Variants in GLIS1 observed in about 807,000 individuals in gnomAD.
GLIS1 encodes zinc finger protein GLIS1.
Under a neutral mutation model 63.8 loss-of-function variants are expected in GLIS1, and 24 were observed. The observed-to-expected ratio is 0.38, with a 90% CI of 0.27 to 0.53. The LOEUF (loss-of-function observed/expected upper bound fraction) is 0.53, where lower values mean the gene tolerates loss of function less well. Ranked by LOEUF, GLIS1 falls within the 20% of genes least tolerant of loss-of-function variation. The pLI, the probability that GLIS1 is intolerant of heterozygous loss-of-function variation, is 0.85. For missense variants in GLIS1, 1,036 were observed against 1,074.1 expected (o/e 0.96, Z 0.50); for synonymous variants, 450 against 482.5 (o/e 0.93, Z 0.88).
At chr1:53,689,910 C>T (rs1646383315) in intron 2 of GLIS1, among the ~76,000 whole-genome samples, 2 of 152,172 alleles carry the variant, frequency 1.3e-5, no homozygotes, top group Admixed American at 1.3e-4. Flanking sequence ...CGGTTTATCC[C>T]CACCACTGTG....
rs1449470662 is a variant in GLIS1 at position 53,737,932 on chromosome 1, A to G, written c.133T>C (p.Cys45Arg). The G allele has an allele frequency of 2.4e-6, 3 of 1,230,006 alleles. No individual in the cohort carries two copies. The highest frequency in any genetic ancestry group is 3.0e-6 in the Non-Finnish European group (3 of 986,804). The allele number at this position is 1,230,006 out of a possible 1,614,324, so 76.2% of individuals were successfully genotyped here. A position where few individuals can be genotyped will look rare whatever the true frequency, so the allele number is the denominator to read the frequency against. ...AFRVTVSGGG[C>R]GDRGPRDLLA... Reference sequence around the variant, plus strand: ...AGGTCCCGCGGGCCCCTGTCCCCGCAGCCGCCGCCACTCACGGTGACCCTG... The same window carrying G: ...AGGTCCCGCGGGCCCCTGTCCCCGCGGCCGCCGCCACTCACGGTGACCCTG... Residue 45 changes from cysteine (C) to arginine (R), a missense_variant, in exon 2 of 11, where the codon TGC becomes CGC. Around this residue, in one of 3 missense-constraint regions of GLIS1, gnomAD observed 592 missense variants for 593.9 expected, o/e 1.00. Coordinates refer to ENST00000628545, the MANE Select transcript of GLIS1 (RefSeq NM_001367484.1).
chr1:53,642,155 C>T (rs1042887903), intron 2 of GLIS1, among the ~76,000 whole-genome samples: 1 of 152,262 alleles, frequency 6.6e-6, no homozygotes, highest in Non-Finnish European at 1.5e-5. Flanking sequence ...AACACACTGC[C>T]CTGTTTCTGT....
At chr1:53,688,720 G>C (rs1351836300) in intron 2 of GLIS1, 1 of 152,230 alleles carries the variant, frequency 6.6e-6, no homozygotes, top group Admixed American at 6.5e-5. Context: ...TGCTAAATAA[G>C]TAGTTTTTAA....
chr1:53,542,256 A>T (rs1262256112), intron 4 of GLIS1, among the ~76,000 whole-genome samples: 1 of 152,104 alleles, frequency 6.6e-6, no homozygotes, highest in Non-Finnish European at 1.5e-5. Flanking sequence ...CGCCGGGGGG[A>T]AGGAGATGAC....
chr1:53,565,341 C>A (rs1644928141), intron 4 of GLIS1, among the ~76,000 whole-genome samples: 1 of 151,534 alleles, frequency 6.6e-6, no homozygotes, highest in African/African-American at 2.4e-5. Flanking sequence ...ACAAAAGGGA[C>A]AGCAAAATAA....
intron 4 of GLIS1, among the ~76,000 whole-genome samples, chr1:53,558,097 C>T (rs1194591771): frequency 6.6e-6 from 1 of 152,152 alleles, no homozygotes; most frequent in African/African-American, 2.4e-5. Context: ...TGGGTACTGC[C>T]CCTCAGGCTG....
rs186694090 is a variant in GLIS1 at position 53,631,107 on chromosome 1, C to T, written c.260-30829G>A. On this transcript the variant is annotated intron_variant, in intron 2 of 10. Transcript: ENST00000628545. ...CTTTTATTGCTGTTTATAACTTTTT[C>T]CCCATAAAAATGTTTTAACTTTTCA... is the stretch of plus-strand genomic sequence containing the variant. Among the ~76,000 whole-genome samples the T allele has an allele frequency of 2.4e-3, 366 of 152,212 alleles. 1 individual carries two copies. Among genetic ancestry groups the T allele is most frequent in the African/African-American group, 8.4e-3 (348 of 41,528 alleles).
chr1:53,592,070 T>A lies in GLIS1; in HGVS notation c.1320+2038A>T, dbSNP rs186680771. ...GGGCCATGGGAGGTCCAGGTCTGGG[T>A]CCCCAGAACCAGGCCTCAGCCAGTG... On this transcript the variant is annotated intron_variant, in intron 4 of 10. Coordinates refer to ENST00000628545, the MANE Select transcript of GLIS1 (RefSeq NM_001367484.1). Among the ~76,000 whole-genome samples, 162 of 152,166 alleles carry A rather than the reference T, an allele frequency of 1.1e-3. 1 individual carries two copies. Among genetic ancestry groups the A allele is most frequent in the African/African-American group, 3.7e-3 (153 of 41,506 alleles).
chr1:53,517,154 CAGAG>C (rs151019451), intron 7 of GLIS1, among the ~76,000 whole-genome samples: 2,215 of 152,178 alleles, frequency 0.015, 24 homozygotes, highest in Non-Finnish European at 0.023. Context: ...TTCCAAGCAG[CAGAG>C]AGAGAAAGTC....
intron 2 of GLIS1, among the ~76,000 whole-genome samples, chr1:53,678,723 A>T (rs61774765): frequency 6.6e-6 from 1 of 152,212 alleles, no homozygotes; most frequent in Non-Finnish European, 1.5e-5. Context: ...TGGTACTATC[A>T]GCCAGAACAC....
At chr1:53,528,758 C>T (rs913271544) in intron 5 of GLIS1, among the ~76,000 whole-genome samples, 2 of 152,252 alleles carry the variant, frequency 1.3e-5, no homozygotes, top group Admixed American at 1.3e-4. Flanking sequence ...CTGTTTCCTC[C>T]TCATCTGTGA....
At chr1:53,709,963 G>A (rs968091834) in intron 2 of GLIS1, among the ~76,000 whole-genome samples, 13 of 152,134 alleles carry the variant, frequency 8.5e-5, no homozygotes, top group African/African-American at 3.1e-4. Flanking sequence ...GGATGGGAGG[G>A]GGACACTTGT....
intron 2 of GLIS1, among the ~76,000 whole-genome samples, chr1:53,667,095 T>C (rs1231469389): frequency 6.6e-6 from 1 of 152,252 alleles, no homozygotes; most frequent in Admixed American, 6.5e-5. Context: ...AATGTATACT[T>C]GCAGGGCTGT....
chr1:53,610,292 C>T (rs1043730795), intron 2 of GLIS1, among the ~76,000 whole-genome samples: 3 of 152,296 alleles, frequency 2.0e-5, no homozygotes, highest in South Asian at 4.1e-4. Context: ...TTCCCTTCAT[C>T]CTGTTTCCAT....
Position 53,610,842 on chromosome 1 carries a change from G to A in GLIS1, c.260-10564C>T, listed in dbSNP as rs1399210183. Among the ~76,000 whole-genome samples the A allele has an allele frequency of 2.0e-5, 3 of 152,012 alleles. No homozygotes were observed. In the East Asian group the frequency reaches 5.8e-4, roughly 29 times the overall value. ...TCACCATGTCCTATATATCTCTTAT[G>A]CTATTTTTGAATTTTCCATCCTTTT... On this transcript the variant is annotated intron_variant, in intron 2 of 10. Coordinates refer to ENST00000628545, the MANE Select transcript of GLIS1 (RefSeq NM_001367484.1).
In GLIS1 at chr1:53,561,736, A is replaced by C. The variant is rs375224194; in HGVS notation, c.1321-31784T>G. 9.8e-5 allele frequency among the ~76,000 whole-genome samples: 15 copies of C among 152,292 alleles called. No individual in the cohort carries two copies. The South Asian group carries it at 1.7e-3, about 17-fold the overall frequency. ...CCAGTGGGCCCAGCAGTTCATGGAGAGTCATCCCGAGGTGTGAAGCCAAGG... is the reference window on the plus strand; with the variant it reads ...CCAGTGGGCCCAGCAGTTCATGGAGCGTCATCCCGAGGTGTGAAGCCAAGG... On this transcript the variant is annotated intron_variant, in intron 4 of 10. Coordinates refer to ENST00000628545, the MANE Select transcript of GLIS1 (RefSeq NM_001367484.1).
chr1:53,637,774 C>T (rs561225810), intron 2 of GLIS1, among the ~76,000 whole-genome samples: 1 of 152,236 alleles, frequency 6.6e-6, no homozygotes, highest in East Asian at 1.9e-4. Flanking sequence ...ATGTCACCAT[C>T]CCCCTTGTGA....
intron 2 of GLIS1, among the ~76,000 whole-genome samples, chr1:53,619,028 A>G (rs1185399824): frequency 2.0e-5 from 3 of 152,198 alleles, no homozygotes; most frequent in Admixed American, 1.3e-4. Flanking sequence ...CTAATCCCAG[A>G]CAGCCACTGT....
rs904418238 is a variant in GLIS1, at chr1:53,506,795, G to A, written c.2231-19C>T. The A allele has an allele frequency of 5.6e-6, 9 of 1,603,504 alleles. No homozygotes were observed. The highest frequency in any genetic ancestry group is 5.1e-6 in the Non-Finnish European group (6 of 1,178,984). On this transcript the variant is annotated intron_variant, in intron 10 of 10. Coordinates refer to ENST00000628545, the MANE Select transcript of GLIS1 (RefSeq NM_001367484.1). ...TCATAGCCTGTGAGTGGTTGGGAAAGGGTCAGCGCTGGAGGCAGCAGGGGC... is the reference window on the plus strand; with the variant it reads ...TCATAGCCTGTGAGTGGTTGGGAAAAGGTCAGCGCTGGAGGCAGCAGGGGC...
Sources: allele counts gnomAD v4.1 joint callset (sites outside exome capture counted in the v4.1 genomes callset), GRCh38; gene constraint gnomAD v4.1.1; regional missense constraint gnomAD v4.1.1; transcripts MANE v1.5; gene names NCBI Gene and HGNC (gene_info 2026-07-23, HGNC 2026-07-21).